The following CNTN3 variants were observed in gnomAD, a reference collection of about 807,000 sequenced individuals.
CNTN3 encodes contactin 3, also known as contactin-3.
Under a neutral mutation model 119.1 loss-of-function variants are expected in CNTN3, and 60 were observed. The observed-to-expected ratio is 0.50, with a 90% CI of 0.41 to 0.62. The LOEUF is 0.62. CNTN3 is among the 20% of genes least tolerant of loss of function. The pLI is 0.00. For synonymous variants in CNTN3, 450 were observed against 438.7 expected (o/e 1.03, Z -0.32); for missense variants, 1,101 against 1,242.4 (o/e 0.89, Z 1.71).
chr3:74,422,273 C>T (rs965731392), intron 5 of CNTN3, among the ~76,000 whole-genome samples: 8 of 152,184 alleles, frequency 5.3e-5, no homozygotes, highest in African/African-American at 1.9e-4. Context: ...CAATCTGGAA[C>T]TGAGGGAAGT....
intron 4 of CNTN3, among the ~76,000 whole-genome samples, chr3:74,427,189 G>C: frequency 6.6e-6 from 1 of 152,194 alleles, no homozygotes; most frequent in Non-Finnish European, 1.5e-5. Context: ...CATGGACGTA[G>C]CATCAGGAAG....
chr3:74,301,598 T>C (rs1702456688), intron 15 of CNTN3, 49 bp downstream of exon 15: 2 of 1,612,044 alleles, frequency 1.2e-6, no homozygotes, highest in South Asian at 2.2e-5. Context: ...AGCATTGACT[T>C]GAAATCCATT....
Position 74,266,668 on chromosome 3 carries a change from T to C in CNTN3, c.2818-19A>G, listed in dbSNP as rs923939221. 1 of 1,609,666 alleles carries C rather than the reference T, an allele frequency of 6.2e-7. No individual in the cohort carries two copies. The highest frequency in any genetic ancestry group is 1.3e-5 in the African/African-American group (1 of 74,892). ...AGAAAACCTAAAATGCATGAACAAA[T>C]ACACTTACTTGTTATATTGCCCATT... is the stretch of plus-strand genomic sequence containing the variant. On this transcript the variant is annotated intron_variant, in intron 21 of 22. Coordinates refer to ENST00000263665, the MANE Select transcript of CNTN3 (RefSeq NM_020872.3).
At position 74,591,818 on chromosome 3, in the gene CNTN3, C is replaced by T. The variant is rs184775778; in HGVS notation, c.-81+22573G>A. Among the ~76,000 whole-genome samples, 215 of 151,822 alleles carry T rather than the reference C, an allele frequency of 1.4e-3. 1 individual carries two copies. The highest frequency in any genetic ancestry group is 2.0e-3 in the Non-Finnish European group (137 of 67,888). ...GACATCCTTGAGTTGAAATCAAGAGCGAGACATTCAGATGGAAATAGTGGG... is the reference window on the plus strand; with the variant it reads ...GACATCCTTGAGTTGAAATCAAGAGTGAGACATTCAGATGGAAATAGTGGG... On this transcript the variant is annotated intron_variant, in intron 1 of 22. Transcript: ENST00000263665.
Position 74,391,947 on chromosome 3 carries a change from A to T in CNTN3, c.455-20548T>A, listed in dbSNP as rs563553847. Among the ~76,000 whole-genome samples, 3 of 152,240 alleles carry T rather than the reference A, an allele frequency of 2.0e-5. No homozygotes were observed. In the East Asian group the frequency reaches 5.8e-4, roughly 30 times the overall value. ...TGCTGGGATTACAGGTGTGAGCCACAGCACCCAGACTCCCACACTTAGAGT... is the reference window on the plus strand; with the variant it reads ...TGCTGGGATTACAGGTGTGAGCCACTGCACCCAGACTCCCACACTTAGAGT... On this transcript the variant is annotated intron_variant, in intron 5 of 22. Coordinates refer to ENST00000263665, the MANE Select transcript of CNTN3 (RefSeq NM_020872.3).
chr3:74,572,872 G>T (rs1268961826), intron 1 of CNTN3, among the ~76,000 whole-genome samples: 1 of 152,202 alleles, frequency 6.6e-6, no homozygotes, highest in Non-Finnish European at 1.5e-5. Context: ...AAGGATGCAC[G>T]TTATCTAGAA....
rs779498919 is a variant in CNTN3 at position 74,474,236 on chromosome 3, G to A, written c.358+12220C>T. On this transcript the variant is annotated intron_variant, in intron 4 of 22. Transcript: ENST00000263665. Reference sequence around the variant, plus strand: ...TTATTGCTAAATAGATGTGGAATACGAGAGAGACAGAGCTGAAACATGGCT... The same window carrying A: ...TTATTGCTAAATAGATGTGGAATACAAGAGAGACAGAGCTGAAACATGGCT... Among the ~76,000 whole-genome samples, 72 of 152,118 alleles carry A rather than the reference G, an allele frequency of 4.7e-4. 1 individual carries two copies. The highest frequency in any genetic ancestry group is 4.6e-4 in the Non-Finnish European group (31 of 68,026).
At chr3:74,496,261 A>G (rs1703061431) in intron 3 of CNTN3, among the ~76,000 whole-genome samples, 1 of 152,152 alleles carries the variant, frequency 6.6e-6, no homozygotes, top group African/African-American at 2.4e-5. Context: ...TTTAAAAGAA[A>G]AACAGAGTTA....
chr3:74,372,523 T>C (rs1436381000), intron 5 of CNTN3, among the ~76,000 whole-genome samples: 2 of 152,070 alleles, frequency 1.3e-5, no homozygotes, highest in African/African-American at 4.8e-5. Context: ...TCCTGAGCCC[T>C]ATTTTCTCTT....
chr3:74,586,599 T>A (rs1704597010), intron 1 of CNTN3, among the ~76,000 whole-genome samples: 1 of 152,068 alleles, frequency 6.6e-6, no homozygotes, highest in South Asian at 2.1e-4. Flanking sequence ...GTTACTTCCC[T>A]CTGTGAGCCT....
At chr3:74,318,674 C>T (rs1702899598) in intron 13 of CNTN3, among the ~76,000 whole-genome samples, 1 of 152,118 alleles carries the variant, frequency 6.6e-6, no homozygotes, top group Admixed American at 6.5e-5. Context: ...AACAGTGGAT[C>T]TTGGTGAACT....
chr3:74,595,742 G>A (rs1194458951), intron 1 of CNTN3, among the ~76,000 whole-genome samples: 1 of 152,084 alleles, frequency 6.6e-6, no homozygotes, highest in African/African-American at 2.4e-5. Flanking sequence ...CATACTGAAT[G>A]GGCAAAAACT....
At chr3:74,297,441 T>G (rs1702363449) in intron 18 of CNTN3, among the ~76,000 whole-genome samples, 1 of 149,788 alleles carries the variant, frequency 6.7e-6, no homozygotes, top group South Asian at 2.1e-4. Flanking sequence ...TTTCCAAAGG[T>G]GAATCTGAGG....
intron 1 of CNTN3, among the ~76,000 whole-genome samples, chr3:74,572,406 A>G (rs1704348029): frequency 6.6e-6 from 1 of 152,214 alleles, no homozygotes; most frequent in South Asian, 2.1e-4. Context: ...ATGTTTATAC[A>G]AAGAAGAACA....
At chr3:74,449,080 A>G (rs1464932835) in intron 4 of CNTN3, among the ~76,000 whole-genome samples, 2 of 152,030 alleles carry the variant, frequency 1.3e-5, no homozygotes, top group African/African-American at 2.4e-5. Context: ...CCTATTTTAT[A>G]TTAATTTCCT....
At chr3:74,404,018 C>T (rs191499875) in intron 5 of CNTN3, among the ~76,000 whole-genome samples, 73 of 152,158 alleles carry the variant, frequency 4.8e-4, no homozygotes, top group Non-Finnish European at 9.1e-4. Context: ...TTACAAGACT[C>T]GCTATTCTCT....
At chr3:74,499,282 G>A (rs1240916761) in intron 3 of CNTN3, among the ~76,000 whole-genome samples, 4 of 151,678 alleles carry the variant, frequency 2.6e-5, no homozygotes, top group Non-Finnish European at 4.4e-5. Flanking sequence ...AATGGTAAAC[G>A]GACAAAAGGT....
At chr3:74,319,807 A>T (rs550582832) in intron 13 of CNTN3, among the ~76,000 whole-genome samples, 2 of 146,924 alleles carry the variant, frequency 1.4e-5, no homozygotes, top group Admixed American at 1.4e-4. Flanking sequence ...AATGAACTCA[A>T]ACAAATTTAC....
chr3:74,319,611 G>T (rs1702930820), intron 13 of CNTN3, among the ~76,000 whole-genome samples: 1 of 151,780 alleles, frequency 6.6e-6, no homozygotes, highest in South Asian at 2.1e-4. Context: ...CATGGGCAAG[G>T]ACTTCATGTC....
Sources: gnomAD v4.1 joint callset for allele counts (sites outside exome capture counted in the v4.1 genomes callset) on GRCh38, gnomAD v4.1.1 for gene constraint, MANE v1.5 for transcripts, NCBI Gene and HGNC (gene_info 2026-07-23, HGNC 2026-07-21) for gene names.